RBBP8: variants seen among roughly 807,000 people sequenced by gnomAD.
RBBP8 encodes the protein RB binding protein 8, endonuclease.
In RBBP8, 88 loss-of-function variants were observed where a neutral mutation model predicts 108.3. The observed-to-expected ratio is 0.81, with a 90% confidence interval of 0.68 to 0.97. The LOEUF is 0.97. Among genes scored for constraint, RBBP8 ranks in the 50% least tolerant of loss-of-function variants. The pLI is 0.00. For missense variants in RBBP8, 1,023 were observed against 1,049.0 expected, an observed-to-expected ratio of 0.98 and a Z score of 0.34; for synonymous variants, 332 against 348.2, an observed-to-expected ratio of 0.95 and a Z score of 0.52.
chr18:22,921,976 AAC>A, intron 3 of RBBP8, among the ~76,000 whole-genome samples: 1 of 152,296 alleles, frequency 6.6e-6, no homozygotes, highest in African/African-American at 2.4e-5. Context: ...ATTACAGTGA[AAC>A]ACACAATTTT....
intron 1 of RBBP8, among the ~76,000 whole-genome samples, chr18:22,915,026 A>G (rs955809810): frequency 6.6e-6 from 1 of 152,172 alleles, no homozygotes; most frequent in Non-Finnish European, 1.5e-5. Context: ...TGTATCATGT[A>G]AAATGAAAGT....
At chr18:22,966,558 G>A (rs1270923597) in intron 4 of RBBP8, among the ~76,000 whole-genome samples, 3 of 139,150 alleles carry the variant, frequency 2.2e-5, no homozygotes, top group East Asian at 4.2e-4. Flanking sequence ...GGGCAACATA[G>A]TGAGACCCCA....
intron 5 of RBBP8, among the ~76,000 whole-genome samples, chr18:22,974,497 C>T (rs953714213): frequency 2.0e-5 from 3 of 152,074 alleles, no homozygotes; most frequent in African/African-American, 7.2e-5. Context: ...TGAGACTCTC[C>T]GCCACCCAGG....
chr18:23,019,043 G>A (rs900300970), intron 17 of RBBP8, among the ~76,000 whole-genome samples: 6 of 152,136 alleles, frequency 3.9e-5, no homozygotes, highest in African/African-American at 7.2e-5. Context: ...CTAACAATGG[G>A]AATATAAATT....
intron 3 of RBBP8, among the ~76,000 whole-genome samples, chr18:22,921,620 A>G (rs1311747271): frequency 6.6e-6 from 1 of 152,236 alleles, no homozygotes. Context: ...ACAAAATACA[A>G]TTAAAACAGA....
Position 22,985,000 on chromosome 18 carries a change from A to C in RBBP8, c.709+10A>C. 6.2e-7 allele frequency: 1 copy of C among 1,610,054 alleles called. No homozygotes were observed. Among genetic ancestry groups the C allele is most frequent in the South Asian group, 1.1e-5 (1 of 90,742 alleles). ...CAATCTCCAATGGCCAGTAAGCAAG[A>C]TACTGAGATTACTTTACAAGTTTAA... On this transcript the variant is annotated intron_variant, in intron 8 of 18. Transcript: ENST00000327155.
At chr18:22,944,230 C>G (rs750531512) in intron 2 of RBBP8, among the ~76,000 whole-genome samples, 2 of 152,174 alleles carry the variant, frequency 1.3e-5, no homozygotes, top group Non-Finnish European at 2.9e-5. Context: ...TCAGGGTGAT[C>G]TACGTGACAG....
chr18:22,998,586 C>T (rs2045897707), intron 14 of RBBP8, among the ~76,000 whole-genome samples: 2 of 152,196 alleles, frequency 1.3e-5, no homozygotes, highest in African/African-American at 2.4e-5. Flanking sequence ...CATGGGGAAG[C>T]AGTGCTAAAA....
Position 23,011,448 on chromosome 18 carries a change from T to TC in RBBP8, c.2357+5016_2357+5017insC, listed in dbSNP as rs554562008. Among the ~76,000 whole-genome samples the TC allele has an allele frequency of 3.3e-3, 502 of 151,186 alleles. 3 individuals are homozygous for TC. Among genetic ancestry groups the TC allele is most frequent in the Non-Finnish European group, 5.7e-3 (388 of 67,778 alleles). On this transcript the variant is annotated intron_variant, in intron 16 of 18. Coordinates refer to ENST00000327155, the MANE Select transcript of RBBP8 (RefSeq NM_002894.3). ...AGTGATCTTTGATGCTATTTTTTTTTTTTTTTCGAGACAGAGTCTCGCTCT... is the reference window on the plus strand; with the variant it reads ...AGTGATCTTTGATGCTATTTTTTTTTCTTTTTTCGAGACAGAGTCTCGCTCT...
At chr18:23,011,973 C>CT (rs775462266) in intron 16 of RBBP8, among the ~76,000 whole-genome samples, 30 of 151,954 alleles carry the variant, frequency 2.0e-4, no homozygotes, top group Non-Finnish European at 2.9e-4. Flanking sequence ...AATTCCAGAA[C>CT]TTTGGGAGGC....
At chr18:22,946,368 A>G in intron 2 of RBBP8, 76 bp from the exon 3 acceptor site, 2 of 1,583,862 alleles carry the variant, frequency 1.3e-6, no homozygotes, top group Non-Finnish European at 1.7e-6. Context: ...GGCCAGACTG[A>G]TGTGACTTAA....
At chr18:22,991,903 G>A (rs1915729891) in intron 10 of RBBP8, among the ~76,000 whole-genome samples, 1 of 152,076 alleles carries the variant, frequency 6.6e-6, no homozygotes, top group African/African-American at 2.4e-5. Context: ...TGTCATCTTA[G>A]TAACTGATTA....
chr18:22,951,985 G>T (rs1912087067), intron 4 of RBBP8, among the ~76,000 whole-genome samples: 1 of 152,104 alleles, frequency 6.6e-6, no homozygotes, highest in Non-Finnish European at 1.5e-5. Flanking sequence ...TGAAGAACTA[G>T]AGACAAAAGG....
intron 12 of RBBP8, among the ~76,000 whole-genome samples, chr18:22,994,915 T>A (rs2045827405): frequency 1.3e-5 from 2 of 151,858 alleles, no homozygotes; most frequent in African/African-American, 4.8e-5. Flanking sequence ...TTGAAGTGAC[T>A]GGGTTTCGCC....
upstream of RBBP8, chr18:22,933,262 T>G (rs1567941746): frequency 6.6e-6 from 1 of 152,132 alleles, no homozygotes; most frequent in Non-Finnish European, 1.5e-5. Context: ...GCTCCTCAGC[T>G]AGGGCACGAA....
intron 8 of RBBP8, among the ~76,000 whole-genome samples, chr18:22,988,908 A>T (rs1423944803): frequency 6.6e-6 from 1 of 152,242 alleles, no homozygotes; most frequent in Non-Finnish European, 1.5e-5. Context: ...AGTCACAATA[A>T]TTCCACTGTA....
chr18:22,999,353 G>A (rs1231595330), intron 14 of RBBP8, among the ~76,000 whole-genome samples: 1 of 152,146 alleles, frequency 6.6e-6, no homozygotes, highest in Admixed American at 6.6e-5. Context: ...ACAGCAGAGG[G>A]CTGGGCAGCT....
chr18:22,971,540 T>C (rs1914080713), intron 5 of RBBP8, among the ~76,000 whole-genome samples: 1 of 152,196 alleles, frequency 6.6e-6, no homozygotes, highest in African/African-American at 2.4e-5. Flanking sequence ...TGTACCTCTT[T>C]TGCCAAGTTT....
chr18:22,980,965 C>CTTTTTTTTTTTTTTTTTTT (rs1167377654), intron 6 of RBBP8, among the ~76,000 whole-genome samples: 1 of 69,490 alleles, frequency 1.4e-5, no homozygotes, highest in Non-Finnish European at 2.6e-5. Flanking sequence ...CCACTTATGT[C>CTTTTTTTTTTTTTTTTTTT]TTTTTTTTTT....
Sources: gnomAD v4.1 joint callset for allele counts (sites outside exome capture counted in the v4.1 genomes callset) on GRCh38, gnomAD v4.1.1 for gene constraint, MANE v1.5 for transcripts, NCBI Gene and HGNC (gene_info 2026-07-23, HGNC 2026-07-21) for gene names.